ZBTB7C: variants seen among roughly 807,000 people sequenced by gnomAD.
ZBTB7C encodes zinc finger and BTB domain-containing protein 7C.
In ZBTB7C, 8 loss-of-function variants were observed where a neutral mutation model predicts 25.7. That is an observed-to-expected ratio of 0.31 (90% CI 0.18 to 0.56). The LOEUF (loss-of-function observed/expected upper bound fraction) is 0.56. Among genes scored for constraint, ZBTB7C ranks in the 20% least tolerant of loss-of-function variants. The probability of loss-of-function intolerance (pLI) is 0.91; values close to 1 mark genes in which losing one functional copy is unlikely to be tolerated. For missense variants in ZBTB7C, 824 were observed against 855.2 expected (o/e 0.96, Z 0.46); for synonymous variants, 394 against 369.0 (o/e 1.07, Z -0.78).
intron 2 of ZBTB7C, among the ~76,000 whole-genome samples, chr18:48,199,092 C>T (rs1245440328): frequency 6.6e-6 from 1 of 152,242 alleles, no homozygotes; most frequent in Non-Finnish European, 1.5e-5. Context: ...GGTAGAAAGT[C>T]TAATGCTGTT....
intron 2 of ZBTB7C, among the ~76,000 whole-genome samples, chr18:48,208,159 C>G (rs1389598096): frequency 1.3e-5 from 2 of 152,000 alleles, no homozygotes; most frequent in Non-Finnish European, 2.9e-5. Flanking sequence ...GCCCAAGAGC[C>G]TTGGGGAACA....
At chr18:48,167,560 T>TA (rs1385575813) in intron 3 of ZBTB7C, among the ~76,000 whole-genome samples, 4 of 63,346 alleles carry the variant, frequency 6.3e-5, no homozygotes, top group African/African-American at 2.8e-4. Context: ...ACTGCATTGC[T>TA]AGGGTGTGTG....
intron 1 of ZBTB7C, among the ~76,000 whole-genome samples, chr18:48,359,949 A>G (rs1015746549): frequency 7.2e-5 from 11 of 152,178 alleles, no homozygotes; most frequent in African/African-American, 2.7e-4. Flanking sequence ...CCTGTGTCTC[A>G]GAGCTGCAGT....
intron 1 of ZBTB7C, among the ~76,000 whole-genome samples, chr18:48,381,549 G>C (rs1307547304): frequency 6.6e-6 from 1 of 152,230 alleles, no homozygotes; most frequent in African/African-American, 2.4e-5. Context: ...TACCTGGGAA[G>C]AGTGTGTACA....
intron 2 of ZBTB7C, among the ~76,000 whole-genome samples, chr18:48,276,618 A>C (rs370892457): frequency 2.2e-5 from 2 of 89,948 alleles, no homozygotes; most frequent in Non-Finnish European, 4.4e-5. Flanking sequence ...TGTCCCTACA[A>C]AGGACATGAA....
intron 4 of ZBTB7C, among the ~76,000 whole-genome samples, chr18:48,033,016 G>C (rs2035830035): frequency 6.6e-6 from 1 of 152,176 alleles, no homozygotes; most frequent in Non-Finnish European, 1.5e-5. Flanking sequence ...ATATGGTATA[G>C]AGGTAGGGCC....
At chr18:48,123,856 C>T (rs567569002) in intron 3 of ZBTB7C, among the ~76,000 whole-genome samples, 87 of 152,228 alleles carry the variant, frequency 5.7e-4, no homozygotes, top group African/African-American at 2.0e-3. Context: ...TAAACATAAA[C>T]ATGTATATTA....
chr18:48,362,932 C>T (rs1167139501), intron 1 of ZBTB7C, among the ~76,000 whole-genome samples: 1 of 152,180 alleles, frequency 6.6e-6, no homozygotes, highest in Non-Finnish European at 1.5e-5. Flanking sequence ...TGAGGGCCCA[C>T]TGTCCAGCTG....
At chr18:48,049,511 G>C (rs1240368820) in intron 3 of ZBTB7C, among the ~76,000 whole-genome samples, 4 of 152,180 alleles carry the variant, frequency 2.6e-5, no homozygotes, top group Non-Finnish European at 5.9e-5. Context: ...GAATGAGATT[G>C]GTTCAAATAA....
rs1002740077 is a variant in ZBTB7C at position 48,338,361 on chromosome 18, G to A, written c.-266C>T. On this transcript the variant is annotated 5_prime_UTR_variant, in exon 2 of 5. Transcript: ENST00000590800. ...TGTGGCTGACCCACTCCTCAGGGTT[G>A]GACAGAGCTTCTGAGCTCCCAGCTG... is the stretch of plus-strand genomic sequence containing the variant. 1 of 152,226 alleles carries A rather than the reference G, an allele frequency of 6.6e-6. No individual in the cohort carries two copies. The highest frequency in any genetic ancestry group is 1.5e-5 in the Non-Finnish European group (1 of 68,104). 9.4% of individuals were successfully genotyped at this position (152,226 alleles called of 1,614,324 possible).
At chr18:48,046,383 C>T (rs1394596337) in intron 3 of ZBTB7C, among the ~76,000 whole-genome samples, 1 of 152,178 alleles carries the variant, frequency 6.6e-6, no homozygotes, top group East Asian at 1.9e-4. Context: ...CTGTAGGTAG[C>T]AGGGTCCTGA....
intron 2 of ZBTB7C, among the ~76,000 whole-genome samples, chr18:48,189,645 C>A (rs746021047): frequency 6.6e-6 from 1 of 152,300 alleles, no homozygotes; most frequent in East Asian, 1.9e-4. Context: ...AGGTGCCCCT[C>A]GCCTTGGATA....
intron 3 of ZBTB7C, among the ~76,000 whole-genome samples, chr18:48,181,370 A>C (rs570817665): frequency 6.6e-6 from 1 of 152,332 alleles, no homozygotes. Context: ...ACCACCTGGC[A>C]GACCTGCCTG....
intron 2 of ZBTB7C, among the ~76,000 whole-genome samples, chr18:48,249,818 A>C (rs1290608532): frequency 6.6e-6 from 1 of 152,086 alleles, no homozygotes; most frequent in Non-Finnish European, 1.5e-5. Context: ...CACCACTTTT[A>C]ACACTCCCTC....
intron 2 of ZBTB7C, among the ~76,000 whole-genome samples, chr18:48,322,384 G>A (rs958949479): frequency 6.6e-6 from 1 of 152,136 alleles, no homozygotes; most frequent in African/African-American, 2.4e-5. Context: ...ACCACCAAAT[G>A]TCCCCTGGAA....
intron 2 of ZBTB7C, among the ~76,000 whole-genome samples, chr18:48,317,523 C>T (rs1161580049): frequency 6.6e-6 from 1 of 152,126 alleles, no homozygotes; most frequent in Non-Finnish European, 1.5e-5. Flanking sequence ...GTCCCTGATG[C>T]CTTTGCTCTG....
intron 2 of ZBTB7C, among the ~76,000 whole-genome samples, chr18:48,285,143 T>C (rs2045004525): frequency 6.6e-6 from 1 of 152,256 alleles, no homozygotes. Flanking sequence ...TATAGATCCA[T>C]TGGCTCATGC....
intron 1 of ZBTB7C, among the ~76,000 whole-genome samples, chr18:48,371,916 CAT>C (rs2047398309): frequency 2.0e-5 from 3 of 152,290 alleles, no homozygotes; most frequent in South Asian, 2.1e-4. Context: ...TCACTCCACA[CAT>C]GTTAACTGAG....
chr18:48,078,403 C>T (rs917488761), intron 3 of ZBTB7C, among the ~76,000 whole-genome samples: 9 of 152,136 alleles, frequency 5.9e-5, no homozygotes, highest in African/African-American at 2.2e-4. Flanking sequence ...ACCTCTGCTG[C>T]CTCTGGGGGG....
Sources: gnomAD v4.1 joint callset for allele counts (sites outside exome capture counted in the v4.1 genomes callset) on GRCh38, gnomAD v4.1.1 for gene constraint, MANE v1.5 for transcripts, NCBI Gene and HGNC (gene_info 2026-07-23, HGNC 2026-07-21) for gene names.